Variants in PRH1 observed in about 807,000 individuals in gnomAD.
The protein encoded by PRH1 is proline rich protein HaeIII subfamily 1.
A neutral mutation model predicts 7.9 loss-of-function variants in PRH1; 7 were observed. The observed-to-expected ratio is 0.89, with a 90% confidence interval of 0.50 to 1.67. The LOEUF is 1.67. Among genes scored for constraint, PRH1 ranks in the 40% most tolerant of loss-of-function variants. PRH1 has a pLI of 0.00. For synonymous variants in PRH1, 45 were observed against 80.8 expected (o/e 0.56, Z 2.38); for missense variants, 109 against 223.6 (o/e 0.49, Z 3.27).
chr12:11,091,663 AGTGAAGG>A lies in PRH1; in HGVS notation n.124-44482_124-44476del. On this transcript the variant is annotated intron_variant and non_coding_transcript_variant, in intron 1 of 4. Transcript: ENST00000541977. Reference sequence around the variant, plus strand: ...ACAGCATAAAAGATAGTAGGGTCAGAGTGAAGGGTACTAAGTTTGCTACCATGGTTAC... The same window carrying A: ...ACAGCATAAAAGATAGTAGGGTCAGAGTACTAAGTTTGCTACCATGGTTAC... 1.3e-5 allele frequency: 16 copies of A among 1,249,020 alleles called. 5 individuals carry two copies. Among genetic ancestry groups the A allele is most frequent in the Non-Finnish European group, 1.7e-5 (15 of 881,260 alleles). The allele number at this position is 1,249,020 out of a possible 1,614,324, so 77.4% of individuals were successfully genotyped here.
At chr12:11,012,022 C>A (rs1002698308) in intron 1 of PRH1, among the ~76,000 whole-genome samples, 1 of 151,984 alleles carries the variant, frequency 6.6e-6, no homozygotes, top group Non-Finnish European at 1.5e-5. Context: ...TTGAGTAAGT[C>A]ATTTTCTTGA....
intron 1 of PRH1, among the ~76,000 whole-genome samples, chr12:11,007,972 A>G (rs140695716): frequency 6.6e-6 from 1 of 152,244 alleles, no homozygotes; most frequent in African/African-American, 2.4e-5. Context: ...ATGATGCTAA[A>G]TGATAGAAAT....
intron 1 of PRH1, among the ~76,000 whole-genome samples, chr12:10,982,372 T>C (rs1046414926): frequency 1.3e-5 from 2 of 152,354 alleles, no homozygotes; most frequent in South Asian, 4.1e-4. Context: ...AGATGGATTA[T>C]AGGATGAATG....
intron 2 of PRH1, among the ~76,000 whole-genome samples, chr12:10,963,579 C>T (rs1260846205): frequency 6.6e-6 from 1 of 151,998 alleles, no homozygotes; most frequent in Non-Finnish European, 1.5e-5. Context: ...ATTTGGTATC[C>T]GATCTCAATT....
intron 1 of PRH1, among the ~76,000 whole-genome samples, chr12:11,068,771 A>C (rs1475861507): frequency 6.6e-6 from 1 of 152,208 alleles, no homozygotes; most frequent in African/African-American, 2.4e-5. Context: ...CCTGCATAGT[A>C]ATCTATCAAT....
intron 1 of PRH1, among the ~76,000 whole-genome samples, chr12:11,081,648 C>G (rs1316994264): frequency 3.5e-4 from 34 of 98,464 alleles, no homozygotes; most frequent in Admixed American, 5.2e-4. Flanking sequence ...AACTCAATGA[C>G]CAGAACTACC....
At chr12:10,924,018 C>G (rs1425710994) in intron 2 of PRH1, among the ~76,000 whole-genome samples, 5 of 83,086 alleles carry the variant, frequency 6.0e-5, no homozygotes, top group African/African-American at 2.3e-4. Context: ...TTTTTTGAGA[C>G]GGAGTCTCGC....
chr12:10,942,699 T>G (rs905266681), intron 2 of PRH1, among the ~76,000 whole-genome samples: 7 of 152,190 alleles, frequency 4.6e-5, no homozygotes, highest in Non-Finnish European at 8.8e-5. Flanking sequence ...CACAATGGAT[T>G]TGAACTCTTC....
intron 1 of PRH1, among the ~76,000 whole-genome samples, chr12:11,062,875 C>G (rs967853907): frequency 3.9e-5 from 6 of 152,044 alleles, no homozygotes; most frequent in Non-Finnish European, 7.4e-5. Flanking sequence ...TCTGGAGAAC[C>G]TCAGAATCTG....
intron 1 of PRH1, among the ~76,000 whole-genome samples, chr12:10,993,349 C>G (rs966639447): frequency 2.0e-5 from 3 of 152,188 alleles, no homozygotes; most frequent in Non-Finnish European, 4.4e-5. Flanking sequence ...TGCAAAACAT[C>G]ATGCTAACTC....
At chr12:11,030,797 G>T in intron 1 of PRH1, 1 of 1,614,170 alleles carries the variant, frequency 6.2e-7, no homozygotes, top group Non-Finnish European at 8.5e-7. Context: ...TCCTAGCGTG[G>T]TTACAGTCGC....
chr12:11,024,288 A>T (rs1356630328), intron 1 of PRH1, among the ~76,000 whole-genome samples: 2 of 152,238 alleles, frequency 1.3e-5, no homozygotes, highest in South Asian at 4.1e-4. Context: ...AAAAATGGAA[A>T]ACATAGCAAT....
chr12:10,970,784 C>G (rs1938775327), intron 2 of PRH1, among the ~76,000 whole-genome samples: 1 of 149,906 alleles, frequency 6.7e-6, no homozygotes, highest in South Asian at 2.1e-4. Context: ...CCAGGCTGGT[C>G]TTGAACACCT....
chr12:10,995,793 G>A (rs1239254734), intron 1 of PRH1, among the ~76,000 whole-genome samples: 1 of 152,028 alleles, frequency 6.6e-6, no homozygotes, highest in African/African-American at 2.4e-5. Flanking sequence ...TGGAAGAGAT[G>A]ACTTTTCTAA....
chr12:10,941,630 C>T (rs1950403274), intron 2 of PRH1, among the ~76,000 whole-genome samples: 1 of 151,052 alleles, frequency 6.6e-6, no homozygotes, highest in African/African-American at 2.4e-5. Flanking sequence ...CTTCTTGTAT[C>T]ATATTTTTGG....
intron 1 of PRH1, among the ~76,000 whole-genome samples, chr12:10,985,587 TCA>T (rs1205840096): frequency 6.6e-6 from 1 of 152,132 alleles, no homozygotes; most frequent in Non-Finnish European, 1.5e-5. Flanking sequence ...TAAGTAAAGA[TCA>T]CACAGTTTTC....
At chr12:11,038,261 AACAG>A (rs1942531757) in intron 1 of PRH1, among the ~76,000 whole-genome samples, 1 of 152,236 alleles carries the variant, frequency 6.6e-6, no homozygotes, top group Non-Finnish European at 1.5e-5. Flanking sequence ...ACACAACAGA[AACAG>A]AAAGAGAAAA....
rs532994669 is a variant in PRH1 at position 11,063,404 on chromosome 12, ACACTG to A, written n.124-16221_124-16217del. 3.9e-3 allele frequency among the ~76,000 whole-genome samples: 594 copies of A among 152,164 alleles called. 1 individual carries two copies. The highest frequency in any genetic ancestry group is 0.014 in the African/African-American group (572 of 41,530). On this transcript the variant is annotated intron_variant and non_coding_transcript_variant, in intron 1 of 4. Coordinates refer to the PRH1 transcript ENST00000541977. ...ACCATGAGAATATCACCTGGCTAGT[ACACTG>A]TTCCCAGAAGGAGAGTGAGAAACTA... is the stretch of plus-strand genomic sequence containing the variant.
intron 1 of PRH1, among the ~76,000 whole-genome samples, chr12:11,131,421 T>C (rs3863323): frequency 1.3e-5 from 2 of 151,196 alleles, no homozygotes; most frequent in South Asian, 4.2e-4. Flanking sequence ...TGGCCTTCCA[T>C]ATAAATGTCA....
Sources: gnomAD v4.1 joint callset for allele counts (sites outside exome capture counted in the v4.1 genomes callset) on GRCh38, gnomAD v4.1.1 for gene constraint, MANE v1.5 for transcripts, NCBI Gene and HGNC (gene_info 2026-07-23, HGNC 2026-07-21) for gene names.